Variants in ADAMTS15 observed in about 807,000 individuals in gnomAD.
ADAMTS15 encodes ADAM metallopeptidase with thrombospondin type 1 motif 15.
In ADAMTS15, 35 loss-of-function variants were observed where a neutral mutation model predicts 79.1. The observed-to-expected ratio is 0.44, with a 90% CI of 0.34 to 0.59. ADAMTS15 has a LOEUF of 0.59. Among genes scored for constraint, ADAMTS15 ranks in the 20% least tolerant of loss-of-function variants. The pLI is 0.02. For synonymous variants in ADAMTS15, 616 were observed against 567.3 expected (o/e 1.09, Z -1.22); for missense variants, 1,324 against 1,318.7 (o/e 1.00, Z -0.06).
intron 1 of ADAMTS15, among the ~76,000 whole-genome samples, chr11:130,454,798 C>T (rs1938039548): frequency 6.6e-6 from 1 of 152,162 alleles, no homozygotes; most frequent in African/African-American, 2.4e-5. Flanking sequence ...TTAATGTCAG[C>T]AGATGGGGGA....
Position 130,452,979 on chromosome 11 carries a change from C to CA in ADAMTS15, c.957+3068dup, listed in dbSNP as rs139829512. On this transcript the variant is annotated intron_variant, in intron 1 of 7. Transcript: ENST00000299164. Reference sequence around the variant, plus strand: ...CTGGTGACAGAGTGAGGCTCTGTCTCAAAAAAAAAAAAAAAAAAATTGCGG... The same window carrying CA: ...CTGGTGACAGAGTGAGGCTCTGTCTCAAAAAAAAAAAAAAAAAAAATTGCGG... Among the ~76,000 whole-genome samples, 248 of 126,706 alleles carry CA rather than the reference C, an allele frequency of 2.0e-3. 1 individual carries two copies. Among genetic ancestry groups the CA allele is most frequent in the Middle Eastern group, 8.8e-3 (2 of 228 alleles). The allele number at this position is 126,706 out of a possible 152,430, so 83.1% of individuals were successfully genotyped here.
intron 1 of ADAMTS15, among the ~76,000 whole-genome samples, chr11:130,459,371 TC>T: frequency 6.6e-6 from 1 of 152,112 alleles, no homozygotes; most frequent in East Asian, 1.9e-4. Context: ...TCACCATGTT[TC>T]CCAGGTTGGT....
At chr11:130,468,101 T>G (rs1938340905) in intron 4 of ADAMTS15, among the ~76,000 whole-genome samples, 1 of 152,190 alleles carries the variant, frequency 6.6e-6, no homozygotes, top group African/African-American at 2.4e-5. Flanking sequence ...TCTTTTCTGT[T>G]TTTTCCTTTT....
chr11:130,462,964 C>T lies in ADAMTS15; in HGVS notation c.1542+184C>T, dbSNP rs909508201. Reference sequence around the variant, plus strand: ...ATATAGTCCTATCCCCTTCTTGACTCTAAGACCGGAGAGAAAAGCTATGGC... The same window carrying T: ...ATATAGTCCTATCCCCTTCTTGACTTTAAGACCGGAGAGAAAAGCTATGGC... On this transcript the variant is annotated intron_variant, in intron 4 of 7. Transcript: ENST00000299164. The surrounding 1 kb of genome is among the most constrained non-coding windows in gnomAD (Gnocchi z 4.3). Among the ~76,000 whole-genome samples, 6 of 152,226 alleles carry T rather than the reference C, an allele frequency of 3.9e-5. No individual in the cohort carries two copies. Among genetic ancestry groups the T allele is most frequent in the South Asian group, 2.1e-4 (1 of 4,828 alleles).
intron 1 of ADAMTS15, among the ~76,000 whole-genome samples, chr11:130,458,454 T>C (rs1938133072): frequency 6.6e-6 from 1 of 152,224 alleles, no homozygotes; most frequent in Non-Finnish European, 1.5e-5. Flanking sequence ...TGCTGTCAAC[T>C]ACATGACTTG....
intron 1 of ADAMTS15, among the ~76,000 whole-genome samples, chr11:130,452,874 A>C (rs148722907): frequency 6.6e-6 from 1 of 151,996 alleles, no homozygotes; most frequent in Admixed American, 6.5e-5. Context: ...CCAGCTACTC[A>C]GGAGGCTGAG....
chr11:130,451,788 C>A (rs1391693667), intron 1 of ADAMTS15, among the ~76,000 whole-genome samples: 2 of 152,128 alleles, frequency 1.3e-5, no homozygotes, highest in Middle Eastern at 3.2e-3. Flanking sequence ...CAGAAGGAGG[C>A]CGCCTTTTGA....
At chr11:130,470,115 G>A (rs762278153) in intron 5 of ADAMTS15, among the ~76,000 whole-genome samples, 5 of 106,860 alleles carry the variant, frequency 4.7e-5, no homozygotes, top group Non-Finnish European at 9.1e-5. Flanking sequence ...GTTCATTACT[G>A]AATCATATAT....
At chr11:130,470,285 C>T (rs932988579) in intron 5 of ADAMTS15, among the ~76,000 whole-genome samples, 13 of 148,854 alleles carry the variant, frequency 8.7e-5, no homozygotes, top group Admixed American at 2.7e-4. Flanking sequence ...GGCGCGATCT[C>T]GGCTCACTGC....
At position 130,470,150 on chromosome 11, in the gene ADAMTS15, A is replaced by G. The variant is rs867177643; in HGVS notation, c.1720+711A>G. Among the ~76,000 whole-genome samples the G allele has an allele frequency of 5.0e-3, 265 of 53,166 alleles. 15 individuals carry two copies. The highest frequency in any genetic ancestry group is 7.2e-3 in the Non-Finnish European group (196 of 27,284). The allele number at this position is 53,166 out of a possible 152,430, so 34.9% of individuals were successfully genotyped here. On this transcript the variant is annotated intron_variant, in intron 5 of 7. Coordinates refer to ENST00000299164, the MANE Select transcript of ADAMTS15 (RefSeq NM_139055.4). ...TATATATACATATATATATATATAT[A>G]TGTGTATATATATATATATATATAT...
chr11:130,461,470 C>T lies in ADAMTS15; in HGVS notation c.958-19C>T. 6.2e-7 allele frequency: 1 copy of T among 1,614,006 alleles called. No homozygotes were observed. Among genetic ancestry groups the T allele is most frequent in the Non-Finnish European group, 8.5e-7 (1 of 1,180,016 alleles). Reference sequence around the variant, plus strand: ...GTCTCTAACTTCGGGCTGGCTTCTGCTTCTCCCCCACCCGGCAGGACCTGT... The same window carrying T: ...GTCTCTAACTTCGGGCTGGCTTCTGTTTCTCCCCCACCCGGCAGGACCTGT... On this transcript the variant is annotated intron_variant, in intron 1 of 7. Transcript: ENST00000299164.
chr11:130,462,972 G>A lies in ADAMTS15; in HGVS notation c.1542+192G>A, dbSNP rs1036780731. Among the ~76,000 whole-genome samples, 13 of 152,198 alleles carry A rather than the reference G, an allele frequency of 8.5e-5. No homozygotes were observed. The highest frequency in any genetic ancestry group is 3.3e-4 in the Admixed American group (5 of 15,278). ...CTATCCCCTTCTTGACTCTAAGACC[G>A]GAGAGAAAAGCTATGGCAGGTCAGA... is the stretch of plus-strand genomic sequence containing the variant. On this transcript the variant is annotated intron_variant, in intron 4 of 7. Transcript: ENST00000299164. This position sits in a 1 kb window ranked among gnomAD's most constrained non-coding sequence, Gnocchi z 4.3.
Position 130,462,018 on chromosome 11 carries a change from G to GC in ADAMTS15, c.1091-65dup. ...CTGACATGGGCTTTCTAGTTCCCCTGCCCCATTCCTCCCTCCAACCCCCAT... is the reference window on the plus strand; with the variant it reads ...CTGACATGGGCTTTCTAGTTCCCCTGCCCCCATTCCTCCCTCCAACCCCCAT... On this transcript the variant is annotated intron_variant, in intron 2 of 7. Coordinates refer to ENST00000299164, the MANE Select transcript of ADAMTS15 (RefSeq NM_139055.4). The surrounding 1 kb of genome is among the most constrained non-coding windows in gnomAD (Gnocchi z 4.3). 11 of 1,363,702 alleles carry GC rather than the reference G, an allele frequency of 8.1e-6. No homozygotes were observed. Among genetic ancestry groups the GC allele is most frequent in the African/African-American group, 2.9e-5 (2 of 69,872 alleles). The allele number at this position is 1,363,702 out of a possible 1,614,324, so 84.5% of individuals were successfully genotyped here.
chr11:130,455,235 C>T (rs1592144345), intron 1 of ADAMTS15, among the ~76,000 whole-genome samples: 1 of 152,206 alleles, frequency 6.6e-6, no homozygotes, highest in Non-Finnish European at 1.5e-5. Context: ...CATCTCATCA[C>T]TGCCTTCGTA....
At position 130,469,458 on chromosome 11, in the gene ADAMTS15, T is replaced by C; in HGVS notation, c.1720+19T>C. Reference sequence around the variant, plus strand: ...AGCTCAGGTGAGGTGGGGAGAGCAGTGGTGGCCTGGGCCCAGGGGAGGTGA... The same window carrying C: ...AGCTCAGGTGAGGTGGGGAGAGCAGCGGTGGCCTGGGCCCAGGGGAGGTGA... On this transcript the variant is annotated intron_variant, in intron 5 of 7. Coordinates refer to ENST00000299164, the MANE Select transcript of ADAMTS15 (RefSeq NM_139055.4). 7.6e-7 allele frequency: 1 copy of C among 1,322,962 alleles called. No homozygotes were observed. The highest frequency in any genetic ancestry group is 9.7e-7 in the Non-Finnish European group (1 of 1,028,286). 82.0% of individuals were successfully genotyped at this position (1,322,962 alleles called of 1,614,324 possible).
chr11:130,449,368 C>G lies in ADAMTS15; in HGVS notation c.395C>G (p.Ala132Gly), dbSNP rs1204879677. 1 of 1,605,360 alleles carries G rather than the reference C, an allele frequency of 6.2e-7. No homozygotes were observed. The highest frequency in any genetic ancestry group is 8.5e-7 in the Non-Finnish European group (1 of 1,179,946). ...GLRGAFGYRG[A>G]EYVISPLPNA... ...CGCGGAGCCTTTGGCTACCGAGGCG[C>G]CGAGTATGTCATTAGCCCGCTGCCC... The change falls in exon 1 of 8, where the codon GCC becomes GGC. Residue 132 changes from alanine to glycine, a missense_variant. Transcript: ENST00000299164. The surrounding 1 kb of genome is among the most constrained non-coding windows in gnomAD (Gnocchi z 7.8).
chr11:130,452,856 C>T (rs1452774922), intron 1 of ADAMTS15, among the ~76,000 whole-genome samples: 6 of 152,108 alleles, frequency 3.9e-5, no homozygotes, highest in Non-Finnish European at 8.8e-5. Context: ...TGGCTCACGC[C>T]TGTAGTACCA....
chr11:130,473,928 T>A lies in ADAMTS15; in HGVS notation c.*107T>A. The A allele has an allele frequency of 7.2e-7, 1 of 1,391,794 alleles. No homozygotes were observed. Among genetic ancestry groups the A allele is most frequent in the Non-Finnish European group, 9.5e-7 (1 of 1,051,958 alleles). The allele number at this position is 1,391,794 out of a possible 1,614,324, so 86.2% of individuals were successfully genotyped here. A position where few individuals can be genotyped will look rare whatever the true frequency, so the allele number is the denominator to read the frequency against. On this transcript the variant is annotated 3_prime_UTR_variant, in exon 8 of 8. Coordinates refer to ENST00000299164, the MANE Select transcript of ADAMTS15 (RefSeq NM_139055.4). ...CGGTGGCCAGGGGCTCACGCCACGA[T>A]GTCACCCACATCCGGGGACAAGGAC...
chr11:130,462,408 G>A lies in ADAMTS15; in HGVS notation c.1259-89G>A. On this transcript the variant is annotated intron_variant, in intron 3 of 7. Transcript: ENST00000299164. The surrounding 1 kb of genome is among the most constrained non-coding windows in gnomAD (Gnocchi z 4.3). ...ACATGAGTGCATTCCTGTTGCCCTT[G>A]GTTCATTATCCCCTTACCATTCAGA... 1 of 1,511,308 alleles carries A rather than the reference G, an allele frequency of 6.6e-7. No homozygotes were observed. The highest frequency in any genetic ancestry group is 8.9e-7 in the Non-Finnish European group (1 of 1,122,810). The allele number at this position is 1,511,308 out of a possible 1,614,324, so 93.6% of individuals were successfully genotyped here. A position where few individuals can be genotyped will look rare whatever the true frequency, so the allele number is the denominator to read the frequency against.
Sources: gnomAD v4.1 joint callset for allele counts (sites outside exome capture counted in the v4.1 genomes callset) on GRCh38, gnomAD v4.1.1 for gene constraint, Gnocchi (gnomAD v3.1) non-coding constraint, MANE v1.5 for transcripts, NCBI Gene and HGNC (gene_info 2026-07-23, HGNC 2026-07-21) for gene names.